Variants in EPB41L4A observed in about 807,000 individuals in gnomAD.
The protein encoded by EPB41L4A is band 4.1-like protein 4A.
EPB41L4A carries 100 observed loss-of-function variants against 108.6 expected under a neutral mutation model. The ratio of observed to expected loss-of-function variants is 0.92; its 90% CI spans 0.78 to 1.09. The LOEUF (loss-of-function observed/expected upper bound fraction) is 1.09, where lower values mean the gene tolerates loss of function less well. Ranked by LOEUF, EPB41L4A falls within the 50% of genes least tolerant of loss-of-function variation. The probability of loss-of-function intolerance (pLI) is 0.00; values close to 1 mark genes in which losing one functional copy is unlikely to be tolerated. For missense variants in EPB41L4A, 1,030 were observed against 842.7 expected, an observed-to-expected ratio of 1.22 and a Z score of -2.75; for synonymous variants, 319 against 289.0, an observed-to-expected ratio of 1.10 and a Z score of -1.05.
chr5:112,170,398 GT>G lies in EPB41L4A; in HGVS notation c.1671-30del, dbSNP rs1561446252. On this transcript the variant is annotated intron_variant, in intron 19 of 22. Transcript: ENST00000261486. Reference sequence around the variant, plus strand: ...TAAAGGAATATGCAAGAAAATGATAGTTGTGGTGCTGGTATAAATGCTAGTA... The same window carrying G: ...TAAAGGAATATGCAAGAAAATGATAGTGTGGTGCTGGTATAAATGCTAGTA... 6 of 1,403,442 alleles carry G rather than the reference GT, an allele frequency of 4.3e-6. No individual in the cohort carries two copies. In the Admixed American group the frequency reaches 1.0e-4, roughly 24 times the overall value. The allele number at this position is 1,403,442 out of a possible 1,614,324, so 86.9% of individuals were successfully genotyped here.
intron 18 of EPB41L4A, among the ~76,000 whole-genome samples, chr5:112,183,623 G>T (rs1009064475): frequency 6.6e-6 from 1 of 152,170 alleles, no homozygotes; most frequent in Admixed American, 6.5e-5. Flanking sequence ...ATTTTGATGG[G>T]AAGATATTCA....
At chr5:112,193,018 A>G (rs770062341) in intron 17 of EPB41L4A, among the ~76,000 whole-genome samples, 24 of 152,342 alleles carry the variant, frequency 1.6e-4, no homozygotes, top group Admixed American at 9.8e-4. Context: ...CCTCCCACAT[A>G]TGGGTTTTCA....
At chr5:112,401,279 G>C (rs759288905) in intron 1 of EPB41L4A, among the ~76,000 whole-genome samples, 1 of 152,126 alleles carries the variant, frequency 6.6e-6, no homozygotes, top group Non-Finnish European at 1.5e-5. Flanking sequence ...CAGACCTTCA[G>C]AGCTAGAAAA....
chr5:112,220,421 C>A (rs1217563332), intron 12 of EPB41L4A, among the ~76,000 whole-genome samples: 2 of 152,076 alleles, frequency 1.3e-5, no homozygotes, highest in African/African-American at 4.8e-5. Flanking sequence ...AGCTTATGGA[C>A]AAAGCAGTCT....
intron 12 of EPB41L4A, among the ~76,000 whole-genome samples, chr5:112,217,293 A>C (rs72796398): frequency 0.023 from 3,516 of 152,338 alleles, 66 homozygotes; most frequent in Non-Finnish European, 0.037. Context: ...TCTATAAAGC[A>C]AAAATAAATA....
intron 2 of EPB41L4A, among the ~76,000 whole-genome samples, chr5:112,283,946 T>C (rs1047126569): frequency 1.3e-5 from 2 of 152,214 alleles, no homozygotes; most frequent in African/African-American, 4.8e-5. Context: ...AAAAAAACTT[T>C]CTCAAAATAC....
chr5:112,181,155 T>G (rs1761126666), intron 18 of EPB41L4A, among the ~76,000 whole-genome samples: 1 of 152,158 alleles, frequency 6.6e-6, no homozygotes. Flanking sequence ...TAATTCCTTA[T>G]AAAATTAAAC....
At chr5:112,187,948 G>C (rs1761507902) in intron 17 of EPB41L4A, among the ~76,000 whole-genome samples, 1 of 152,082 alleles carries the variant, frequency 6.6e-6, no homozygotes, top group African/African-American at 2.4e-5. Context: ...ATCTTTTTTG[G>C]TCAAGTCTCA....
chr5:112,220,459 C>A (rs907376490), intron 12 of EPB41L4A, among the ~76,000 whole-genome samples: 1 of 152,142 alleles, frequency 6.6e-6, no homozygotes, highest in African/African-American at 2.4e-5. Context: ...GGAAAGGGCT[C>A]TTTTCTTTTG....
At chr5:112,206,522 A>T (rs1762480700) in intron 13 of EPB41L4A, among the ~76,000 whole-genome samples, 1 of 152,210 alleles carries the variant, frequency 6.6e-6, no homozygotes, top group South Asian at 2.1e-4. Context: ...CTACAGATTC[A>T]ATTCCCAAAG....
chr5:112,349,314 C>T (rs1484445303), intron 1 of EPB41L4A, among the ~76,000 whole-genome samples: 1 of 151,972 alleles, frequency 6.6e-6, no homozygotes, highest in African/African-American at 2.4e-5. Context: ...GAAGACAGGG[C>T]TCAGATAACC....
chr5:112,289,491 A>G (rs1753506986), intron 2 of EPB41L4A, among the ~76,000 whole-genome samples: 1 of 152,148 alleles, frequency 6.6e-6, no homozygotes, highest in Non-Finnish European at 1.5e-5. Context: ...CTTTGAACCA[A>G]TAGAATGCCA....
intron 12 of EPB41L4A, among the ~76,000 whole-genome samples, chr5:112,224,599 C>A (rs911543410): frequency 2.6e-5 from 4 of 152,184 alleles, no homozygotes; most frequent in African/African-American, 9.7e-5. Flanking sequence ...ACAACCAAGG[C>A]AGACCAGGAA....
chr5:112,253,648 G>T (rs960537355), intron 9 of EPB41L4A, among the ~76,000 whole-genome samples: 3 of 152,100 alleles, frequency 2.0e-5, no homozygotes, highest in Admixed American at 6.5e-5. Context: ...CATATTTATA[G>T]TCTATGACAT....
chr5:112,337,408 C>A (rs1439068383), intron 1 of EPB41L4A, among the ~76,000 whole-genome samples: 1 of 152,158 alleles, frequency 6.6e-6, no homozygotes, highest in Non-Finnish European at 1.5e-5. Context: ...ACTGTTTTAT[C>A]AGTAATGCTA....
intron 2 of EPB41L4A, among the ~76,000 whole-genome samples, chr5:112,286,267 A>G (rs1753270922): frequency 6.6e-6 from 1 of 152,018 alleles, no homozygotes; most frequent in Admixed American, 6.6e-5. Flanking sequence ...GGAAAAAAAA[A>G]CACCCATGGG....
intron 12 of EPB41L4A, among the ~76,000 whole-genome samples, chr5:112,212,505 G>A (rs954962922): frequency 2.0e-5 from 3 of 152,060 alleles, no homozygotes; most frequent in African/African-American, 4.8e-5. Flanking sequence ...ATCTTGGCCA[G>A]GCTGGTCTGG....
chr5:112,156,309 T>C (rs533368825), intron 12 of EPB41L4A, among the ~76,000 whole-genome samples: 1 of 152,228 alleles, frequency 6.6e-6, no homozygotes, highest in South Asian at 2.1e-4. Context: ...TATTGGCTCA[T>C]GCAATTATGG....
At chr5:112,146,355 C>T (rs539906535) in intron 12 of EPB41L4A, among the ~76,000 whole-genome samples, 2 of 152,264 alleles carry the variant, frequency 1.3e-5, no homozygotes, top group East Asian at 3.9e-4. Flanking sequence ...AAACCAAATA[C>T]TAACATTAAT....
Sources: gnomAD v4.1 joint callset for allele counts (sites outside exome capture counted in the v4.1 genomes callset) on GRCh38, gnomAD v4.1.1 for gene constraint, MANE v1.5 for transcripts, NCBI Gene and HGNC (gene_info 2026-07-23, HGNC 2026-07-21) for gene names.